The following GRK3 variants were observed in gnomAD, a reference collection of about 807,000 sequenced individuals.
GRK3 encodes the protein G protein-coupled receptor kinase 3.
A neutral mutation model predicts 95.7 loss-of-function variants in GRK3; 54 were observed. The ratio of observed to expected loss-of-function variants is 0.56; its 90% CI spans 0.45 to 0.71. The LOEUF (loss-of-function observed/expected upper bound fraction) is 0.71. GRK3 is among the 30% of genes least tolerant of loss of function. The pLI is 0.00. For synonymous variants in GRK3, 281 were observed against 290.8 expected, an observed-to-expected ratio of 0.97 and a Z score of 0.34; for missense variants, 649 against 851.2, an observed-to-expected ratio of 0.76 and a Z score of 2.96.
At position 25,648,312 on chromosome 22, in the gene GRK3, G is replaced by T. The variant is rs2084801925; in HGVS notation, c.264+3647G>T. The T allele has an allele frequency of 5.5e-6, 6 of 1,085,144 alleles. No individual in the cohort carries two copies. In the East Asian group the frequency reaches 1.4e-4, roughly 26 times the overall value. 67.2% of individuals were successfully genotyped at this position (1,085,144 alleles called of 1,614,324 possible). The stretch of plus-strand genomic sequence containing the variant: ...ACAACTTGATACTCTGCAGAAATTG[G>T]CAAAACACTACACAGAACATGCTGA... On this transcript the variant is annotated intron_variant, in intron 3 of 20. Transcript: ENST00000324198.
At chr22:25,599,427 C>T (rs2084394009) in intron 1 of GRK3, among the ~76,000 whole-genome samples, 1 of 151,860 alleles carries the variant, frequency 6.6e-6, no homozygotes, top group African/African-American at 2.4e-5. Context: ...CCCGTCTCTA[C>T]TAAAAATACA....
chr22:25,699,407 G>A (rs541821153), intron 13 of GRK3, among the ~76,000 whole-genome samples: 1 of 152,218 alleles, frequency 6.6e-6, no homozygotes, highest in South Asian at 2.1e-4. Context: ...CAACCCTGGG[G>A]GACACTGGGC....
intron 15 of GRK3, among the ~76,000 whole-genome samples, chr22:25,706,469 T>G (rs910356008): frequency 2.6e-5 from 4 of 152,222 alleles, no homozygotes; most frequent in Non-Finnish European, 2.9e-5. Flanking sequence ...CACCCCCTCT[T>G]GTCTGCTGAT....
At chr22:25,648,032 C>T (rs2084798912) in intron 3 of GRK3, 1 of 500,688 alleles carries the variant, frequency 2.0e-6, no homozygotes, top group East Asian at 3.9e-5. Flanking sequence ...AGCAGAATCA[C>T]TTGAACCTGG....
At chr22:25,576,468 C>A (rs1931902507) in intron 1 of GRK3, among the ~76,000 whole-genome samples, 1 of 152,206 alleles carries the variant, frequency 6.6e-6, no homozygotes, top group South Asian at 2.1e-4. Flanking sequence ...AGACCAGAAA[C>A]CTTTGCCATT....
intron 11 of GRK3, among the ~76,000 whole-genome samples, chr22:25,689,143 TTATTC>T (rs1379664059): frequency 3.3e-5 from 5 of 152,178 alleles, no homozygotes; most frequent in African/African-American, 1.2e-4. Flanking sequence ...AGAATTATTA[TTATTC>T]TCTTAGTTTT....
At chr22:25,647,630 A>G (rs2084795204) in intron 3 of GRK3, 1 of 1,477,822 alleles carries the variant, frequency 6.8e-7, no homozygotes, top group African/African-American at 1.4e-5. Context: ...ATAATTAACA[A>G]TACAGAAGGA....
intron 3 of GRK3, among the ~76,000 whole-genome samples, chr22:25,660,644 C>T (rs2084903521): frequency 6.6e-6 from 1 of 152,080 alleles, no homozygotes; most frequent in Non-Finnish European, 1.5e-5. Flanking sequence ...GCTGTGAAAG[C>T]CGTACTATAA....
intron 1 of GRK3, among the ~76,000 whole-genome samples, chr22:25,572,248 A>G (rs755794258): frequency 6.6e-6 from 1 of 152,160 alleles, no homozygotes; most frequent in East Asian, 1.9e-4. Context: ...TTCTTAATCC[A>G]TTCTATCATT....
chr22:25,691,078 C>T (rs971366017), intron 12 of GRK3, among the ~76,000 whole-genome samples: 4 of 152,122 alleles, frequency 2.6e-5, no homozygotes, highest in Non-Finnish European at 5.9e-5. Context: ...GCAGTTCCCC[C>T]GGGGCTCTGC....
chr22:25,708,461 G>T (rs1488291317), intron 15 of GRK3, among the ~76,000 whole-genome samples: 2 of 152,098 alleles, frequency 1.3e-5, no homozygotes, highest in East Asian at 3.9e-4. Flanking sequence ...CAGGGCACAG[G>T]TTGGTGCTTG....
chr22:25,716,283 C>T lies in GRK3; in HGVS notation c.1654+1713C>T, dbSNP rs914941318. Among the ~76,000 whole-genome samples, 16 of 152,162 alleles carry T rather than the reference C, an allele frequency of 1.1e-4. 1 individual carries two copies. Among genetic ancestry groups the T allele is most frequent in the African/African-American group, 2.4e-4 (10 of 41,442 alleles). Reference sequence around the variant, plus strand: ...GATTACAGGCGTGAGCCACTGCGCCCGGCCATAAGCTCTTCTTTAGAGAAC... The same window carrying T: ...GATTACAGGCGTGAGCCACTGCGCCTGGCCATAAGCTCTTCTTTAGAGAAC... On this transcript the variant is annotated intron_variant, in intron 18 of 20. Transcript: ENST00000324198.
At chr22:25,640,694 C>T (rs561511366) in intron 2 of GRK3, among the ~76,000 whole-genome samples, 9 of 152,228 alleles carry the variant, frequency 5.9e-5, no homozygotes, top group Non-Finnish European at 1.0e-4. Context: ...TTCAAAAGTT[C>T]TTAACTTACA....
At chr22:25,602,566 C>G (rs779897881) in intron 1 of GRK3, among the ~76,000 whole-genome samples, 1 of 152,146 alleles carries the variant, frequency 6.6e-6, no homozygotes, top group Non-Finnish European at 1.5e-5. Context: ...AAATGTCTGT[C>G]AACAGATGGC....
At chr22:25,655,055 CA>C (rs1393373182) in intron 3 of GRK3, among the ~76,000 whole-genome samples, 3 of 152,176 alleles carry the variant, frequency 2.0e-5, no homozygotes, top group Non-Finnish European at 1.5e-5. Flanking sequence ...TCTGACCCCT[CA>C]TTTTTGTCAG....
chr22:25,661,031 C>T (rs1237368961), intron 3 of GRK3, among the ~76,000 whole-genome samples: 1 of 152,236 alleles, frequency 6.6e-6, no homozygotes, highest in Non-Finnish European at 1.5e-5. Context: ...GCTGAGGTTC[C>T]AACCTGAAAA....
chr22:25,682,069 C>T (rs2085078743), intron 9 of GRK3, among the ~76,000 whole-genome samples: 1 of 152,144 alleles, frequency 6.6e-6, no homozygotes, highest in Non-Finnish European at 1.5e-5. Flanking sequence ...GATTCCTTCA[C>T]CTGCGTGTTT....
chr22:25,628,894 C>T (rs991446324), intron 2 of GRK3, among the ~76,000 whole-genome samples: 1 of 152,032 alleles, frequency 6.6e-6, no homozygotes, highest in Admixed American at 6.6e-5. Context: ...TCTTAACAGC[C>T]GTGGCCCAGA....
At chr22:25,702,903 C>G (rs2085269584) in intron 13 of GRK3, 2 of 455,860 alleles carry the variant, frequency 4.4e-6, no homozygotes, top group African/African-American at 4.0e-5. Context: ...CAAGTCACAA[C>G]TTGAACCCAG....
Sources: gnomAD v4.1 joint callset for allele counts (sites outside exome capture counted in the v4.1 genomes callset) on GRCh38, gnomAD v4.1.1 for gene constraint, MANE v1.5 for transcripts, NCBI Gene and HGNC (gene_info 2026-07-23, HGNC 2026-07-21) for gene names.